The following LOXHD1 variants were observed in gnomAD, a reference collection of about 807,000 sequenced individuals.
LOXHD1 encodes the protein lipoxygenase homology domain-containing protein 1.
Under a neutral mutation model 248.2 loss-of-function variants are expected in LOXHD1, and 205 were observed. That is an observed-to-expected ratio of 0.83 (90% CI 0.74 to 0.93). The LOEUF is 0.93. Ranked by LOEUF, LOXHD1 falls within the 40% of genes least tolerant of loss-of-function variation. The pLI, the probability that LOXHD1 is intolerant of heterozygous loss-of-function variation, is 0.00. For synonymous variants in LOXHD1, 1,113 were observed against 1,162.8 expected, an observed-to-expected ratio of 0.96 and a Z score of 0.87; for missense variants, 2,930 against 2,971.6, an observed-to-expected ratio of 0.99 and a Z score of 0.33.
chr18:46,533,239 T>A lies in LOXHD1; in HGVS notation c.4298A>T (p.Tyr1433Phe). The A allele has an allele frequency of 6.4e-7, 1 of 1,551,772 alleles. No homozygotes were observed. Among genetic ancestry groups the A allele is most frequent in the Non-Finnish European group, 8.7e-7 (1 of 1,147,010 alleles). Residue 1433 changes from tyrosine to phenylalanine, a missense_variant, in exon 28 of 41, where the codon TAT becomes TTT. Tyr to Phe is a conservative substitution (Grantham distance 22). Coordinates refer to ENST00000642948, the MANE Select transcript of LOXHD1 (RefSeq NM_001384474.1). ...DKKTIRELVP[Y>F]DIFTEKYMKD... is the part of the protein sequence containing the mutation. Reference sequence around the variant, plus strand: ...CATGTATTTCTCAGTGAAGATGTCATATGGAACCAGTTCTCGAATGGTCTT... The same window carrying A: ...CATGTATTTCTCAGTGAAGATGTCAAATGGAACCAGTTCTCGAATGGTCTT...
intron 2 of LOXHD1, among the ~76,000 whole-genome samples, chr18:46,644,075 G>C (rs562570441): frequency 6.6e-6 from 1 of 152,132 alleles, no homozygotes; most frequent in East Asian, 1.9e-4. Flanking sequence ...CTTTCCAAAA[G>C]GAACACATAT....
chr18:46,557,553 C>T, intron 20 of LOXHD1, 64 bp from the exon 21 acceptor site: 1 of 1,542,996 alleles, frequency 6.5e-7, no homozygotes, highest in Non-Finnish European at 8.8e-7. Context: ...GCCATCAGCC[C>T]CATCCTCCCA....
At position 46,577,720 on chromosome 18, in the gene LOXHD1, A is replaced by T. The variant is rs1189867606; in HGVS notation, c.1957T>A (p.Phe653Ile). The change falls in exon 14 of 41, where the codon TTC becomes ATC. Residue 653 changes from phenylalanine to isoleucine, a missense_variant. Phe to Ile is a conservative substitution (Grantham distance 21, BLOSUM62 0). Transcript: ENST00000642948. ...GGACGCATGTACCTGAGACATGGGAACTCCACGTTGTCGCTCTCAGGCTGC... is the reference window on the plus strand; with the variant it reads ...GGACGCATGTACCTGAGACATGGGATCTCCACGTTGTCGCTCTCAGGCTGC... ...EGQPESDNVE[F>I]PCLRWLDKDK... The T allele has an allele frequency of 1.3e-6, 2 of 1,551,152 alleles. No individual in the cohort carries two copies. The highest frequency in any genetic ancestry group is 1.7e-6 in the Non-Finnish European group (2 of 1,146,646).
At chr18:46,597,563 C>CACAT (rs1423525232) in intron 8 of LOXHD1, among the ~76,000 whole-genome samples, 7 of 151,866 alleles carry the variant, frequency 4.6e-5, no homozygotes, top group Non-Finnish European at 7.4e-5. Context: ...CACACACACA[C>CACAT]ACACACACAC....
chr18:46,554,434 G>A (rs2037236551), intron 21 of LOXHD1, among the ~76,000 whole-genome samples: 1 of 152,138 alleles, frequency 6.6e-6, no homozygotes, highest in African/African-American at 2.4e-5. Flanking sequence ...CAGAAAAGGT[G>A]GTATCTCTCC....
intron 5 of LOXHD1, among the ~76,000 whole-genome samples, chr18:46,616,441 A>T (rs570139230): frequency 1.6e-4 from 25 of 152,186 alleles, no homozygotes; most frequent in African/African-American, 5.8e-4. Context: ...TTCCTTCTCA[A>T]ATATTATTGA....
intron 8 of LOXHD1, among the ~76,000 whole-genome samples, chr18:46,596,337 G>A (rs1009324752): frequency 2.0e-5 from 3 of 152,152 alleles, no homozygotes; most frequent in African/African-American, 7.2e-5. Flanking sequence ...TTACAGAGAA[G>A]CCATAAGAAC....
In LOXHD1 at chr18:46,494,849, C is replaced by CTTTTTTTTT. The variant is rs58016824; in HGVS notation, c.5879-5716_5879-5708dup. 3.8e-4 allele frequency among the ~76,000 whole-genome samples: 37 copies of CTTTTTTTTT among 96,556 alleles called. 1 individual carries two copies. The highest frequency in any genetic ancestry group is 1.0e-3 in the African/African-American group (26 of 26,032). 63.3% of individuals were successfully genotyped at this position (96,556 alleles called of 152,430 possible). A position where few individuals can be genotyped will look rare whatever the true frequency, so the allele number is the denominator to read the frequency against. On this transcript the variant is annotated intron_variant, in intron 37 of 40. Coordinates refer to ENST00000642948, the MANE Select transcript of LOXHD1 (RefSeq NM_001384474.1). ...TTTTCTTTCTCCTTTTTCTCTCTCT[C>CTTTTTTTTT]TTTTTTTTTTTTTTTTTTTTTTGAG...
intron 37 of LOXHD1, among the ~76,000 whole-genome samples, chr18:46,496,959 C>A (rs2033911825): frequency 6.6e-6 from 1 of 152,166 alleles, no homozygotes; most frequent in Non-Finnish European, 1.5e-5. Context: ...GCAGAGATGG[C>A]CCCACTGCAC....
intron 21 of LOXHD1, among the ~76,000 whole-genome samples, chr18:46,547,939 T>G (rs577530699): frequency 6.6e-6 from 1 of 152,256 alleles, no homozygotes; most frequent in South Asian, 2.1e-4. Context: ...GCAACCCTAC[T>G]CTGTGCCTCA....
chr18:46,581,985 G>A (rs1399415179), intron 12 of LOXHD1, among the ~76,000 whole-genome samples: 1 of 152,084 alleles, frequency 6.6e-6, no homozygotes, highest in Non-Finnish European at 1.5e-5. Context: ...GGTATTCCCA[G>A]AATATAAAAT....
At chr18:46,543,442 A>G (rs1029311574) in intron 23 of LOXHD1, among the ~76,000 whole-genome samples, 2 of 152,102 alleles carry the variant, frequency 1.3e-5, no homozygotes, top group Non-Finnish European at 2.9e-5. Flanking sequence ...TTACACTTTA[A>G]GTTCTGGGGT....
At chr18:46,598,518 A>T (rs991394485) in intron 8 of LOXHD1, among the ~76,000 whole-genome samples, 3 of 151,926 alleles carry the variant, frequency 2.0e-5, no homozygotes, top group Non-Finnish European at 4.4e-5. Context: ...TTAAAAAAAA[A>T]AACTGTTATC....
chr18:46,600,297 G>A (rs1165418033), intron 8 of LOXHD1, among the ~76,000 whole-genome samples: 1 of 152,162 alleles, frequency 6.6e-6, no homozygotes, highest in Non-Finnish European at 1.5e-5. Flanking sequence ...ACATAATGTT[G>A]AGTGAAAATT....
intron 4 of LOXHD1, among the ~76,000 whole-genome samples, chr18:46,618,619 C>G (rs1416800548): frequency 6.6e-6 from 1 of 152,156 alleles, no homozygotes. Context: ...TAACATGTTG[C>G]CTTGAAACAC....
rs774921125 is a variant in LOXHD1, at chr18:46,560,293, CG to C, written c.2850del (p.Asp950GlufsTer37). On this transcript the variant is annotated frameshift_variant, in exon 19 of 41. Coordinates refer to ENST00000642948, the MANE Select transcript of LOXHD1 (RefSeq NM_001384474.1). LOFTEE classifies it high-confidence loss of function. ...GAGGACGACTCCTCTTCCTCCCCCT[CG>C]TCCTCTTCGTCGCTGCCCTTCCTCT... ...KKKRKGSDEEDEGEEEESSSS... is the reference protein window; with the variant it reads ...KKKRKGSDEEXEGEEEESSSS... The C allele has an allele frequency of 1.0e-5, 16 of 1,550,194 alleles. No homozygotes were observed. Among genetic ancestry groups the C allele is most frequent in the Non-Finnish European group, 1.4e-5 (16 of 1,145,374 alleles).
chr18:46,525,644 A>C (rs1188417746), intron 29 of LOXHD1, among the ~76,000 whole-genome samples: 1 of 152,042 alleles, frequency 6.6e-6, no homozygotes, highest in African/African-American at 2.4e-5. Flanking sequence ...TGTGGATCCT[A>C]GGCTTTGAAT....
chr18:46,538,762 C>T (rs564909663), intron 25 of LOXHD1, among the ~76,000 whole-genome samples: 2 of 152,324 alleles, frequency 1.3e-5, no homozygotes, highest in Admixed American at 6.5e-5. Flanking sequence ...AGAGACTCCA[C>T]AAACAAGAGC....
intron 12 of LOXHD1, among the ~76,000 whole-genome samples, chr18:46,581,030 T>C (rs1275812320): frequency 2.0e-5 from 3 of 152,174 alleles, no homozygotes; most frequent in Admixed American, 6.5e-5. Context: ...TTTTTATTTT[T>C]GTACAGTGGA....
Sources: gnomAD v4.1 joint callset for allele counts (sites outside exome capture counted in the v4.1 genomes callset) on GRCh38, gnomAD v4.1.1 for gene constraint, MANE v1.5 for transcripts, NCBI Gene and HGNC (gene_info 2026-07-23, HGNC 2026-07-21) for gene names.